Variants in FRMD5 observed in about 807,000 individuals in gnomAD.
The protein encoded by FRMD5 is FERM domain-containing protein 5.
FRMD5 carries 20 observed loss-of-function variants against 69.0 expected under a neutral mutation model. The ratio of observed to expected loss-of-function variants is 0.29; its 90% confidence interval spans 0.20 to 0.42. FRMD5 has a LOEUF of 0.42. Ranked by LOEUF, FRMD5 falls within the 10% of genes least tolerant of loss-of-function variation. The pLI, the probability that FRMD5 is intolerant of heterozygous loss-of-function variation, is 1.00. For missense variants in FRMD5, 595 were observed against 708.6 expected (o/e 0.84, Z 1.82); for synonymous variants, 271 against 260.1 (o/e 1.04, Z -0.40).
chr15:44,023,661 C>T (rs1891309014), intron 1 of FRMD5, among the ~76,000 whole-genome samples: 1 of 152,142 alleles, frequency 6.6e-6, no homozygotes, highest in Admixed American at 6.5e-5. Context: ...ACATTCCCAC[C>T]AGTGATCCTC....
upstream of FRMD5, among the ~76,000 whole-genome samples, chr15:44,197,221 C>A (rs566600746): frequency 6.6e-6 from 1 of 151,276 alleles, no homozygotes; most frequent in African/African-American, 2.4e-5. Context: ...AATTGATGAA[C>A]TGAAGTAAAT....
intron 1 of FRMD5, among the ~76,000 whole-genome samples, chr15:44,092,105 T>G (rs1246346821): frequency 1.3e-5 from 2 of 152,064 alleles, no homozygotes; most frequent in Non-Finnish European, 2.9e-5. Context: ...ACGTGTAGGT[T>G]TCTTTCTTTT....
At chr15:44,169,373 C>A (rs2077762238) in intron 1 of FRMD5, among the ~76,000 whole-genome samples, 1 of 151,780 alleles carries the variant, frequency 6.6e-6, no homozygotes, top group South Asian at 2.1e-4. Flanking sequence ...GAATTAGAAT[C>A]CTTCCATAAA....
At chr15:43,960,979 C>A (rs1472143846) in intron 1 of FRMD5, among the ~76,000 whole-genome samples, 1 of 151,956 alleles carries the variant, frequency 6.6e-6, no homozygotes, top group African/African-American at 2.4e-5. Context: ...ACCCTAACAT[C>A]ACAATTAAAA....
intron 13 of FRMD5, among the ~76,000 whole-genome samples, chr15:43,878,843 C>A (rs2088438009): frequency 6.6e-6 from 1 of 151,886 alleles, no homozygotes; most frequent in South Asian, 2.1e-4. Context: ...TGTCAGAGGA[C>A]CACCTGGAGC....
chr15:44,192,913 C>T (rs2078219637), intron 1 of FRMD5, among the ~76,000 whole-genome samples: 2 of 151,894 alleles, frequency 1.3e-5, no homozygotes, highest in African/African-American at 4.8e-5. Context: ...TTTAGGTGGC[C>T]TAGATATTTT....
At chr15:43,956,054 C>G (rs1410758325) in intron 1 of FRMD5, among the ~76,000 whole-genome samples, 2 of 152,154 alleles carry the variant, frequency 1.3e-5, no homozygotes, top group Non-Finnish European at 2.9e-5. Flanking sequence ...CTCACTATTT[C>G]GACTAATAAT....
At chr15:44,124,956 T>C (rs1228686798) in intron 1 of FRMD5, among the ~76,000 whole-genome samples, 1 of 152,004 alleles carries the variant, frequency 6.6e-6, no homozygotes, top group African/African-American at 2.4e-5. Context: ...AGATCTCATC[T>C]CAAACAACAA....
Position 44,103,941 on chromosome 15 carries a change from C to T in FRMD5, c.102+91012G>A, listed in dbSNP as rs149638879. Among the ~76,000 whole-genome samples, 467 of 152,282 alleles carry T rather than the reference C, an allele frequency of 3.1e-3. 3 individuals carry two copies. The highest frequency in any genetic ancestry group is 0.01 in the African/African-American group (436 of 41,554). On this transcript the variant is annotated intron_variant, in intron 1 of 13. Transcript: ENST00000417257. ...TGGTGTAAACAAACCTACTGCAATG[C>T]CAGTCATATAAAAGCATAGCACATA...
At chr15:44,171,650 G>T (rs2140530599) in intron 1 of FRMD5, among the ~76,000 whole-genome samples, 1 of 152,172 alleles carries the variant, frequency 6.6e-6, no homozygotes, top group South Asian at 2.1e-4. Context: ...AACTCAACTG[G>T]CATTGATACT....
chr15:44,091,312 C>T (rs1451218939), intron 1 of FRMD5, among the ~76,000 whole-genome samples: 1 of 152,124 alleles, frequency 6.6e-6, no homozygotes, highest in Non-Finnish European at 1.5e-5. Context: ...ATATTATTTA[C>T]ATTTTACATA....
intron 1 of FRMD5, among the ~76,000 whole-genome samples, chr15:43,985,546 T>G (rs961743026): frequency 6.6e-6 from 1 of 152,076 alleles, no homozygotes; most frequent in African/African-American, 2.4e-5. Flanking sequence ...TGGAGAACAT[T>G]TAAATATATA....
At chr15:43,956,240 T>C (rs915623774) in intron 1 of FRMD5, among the ~76,000 whole-genome samples, 1 of 152,206 alleles carries the variant, frequency 6.6e-6, no homozygotes, top group Non-Finnish European at 1.5e-5. Flanking sequence ...ACTTCAAATG[T>C]CAAGTAAGTC....
chr15:44,183,320 A>G (rs1239470970), intron 1 of FRMD5, among the ~76,000 whole-genome samples: 1 of 152,168 alleles, frequency 6.6e-6, no homozygotes, highest in African/African-American at 2.4e-5. Context: ...CCTGTAGGCA[A>G]TGGGAAAACC....
chr15:43,937,715 G>A (rs1478359056), intron 1 of FRMD5, among the ~76,000 whole-genome samples: 1 of 151,960 alleles, frequency 6.6e-6, no homozygotes, highest in African/African-American at 2.4e-5. Context: ...GCTGGAGTGA[G>A]CAGAGGGAGA....
chr15:43,989,095 G>A (rs1424615939), intron 1 of FRMD5: 12 of 950,942 alleles, frequency 1.3e-5, no homozygotes, highest in Admixed American at 5.1e-5. Context: ...GGAGGTGCCT[G>A]ACTCATCATA....
chr15:43,894,121 G>A (rs943524214), intron 7 of FRMD5, among the ~76,000 whole-genome samples: 1 of 152,200 alleles, frequency 6.6e-6, no homozygotes, highest in African/African-American at 2.4e-5. Context: ...TCAGTGCCTG[G>A]TGGTGGTTAT....
intron 1 of FRMD5, among the ~76,000 whole-genome samples, chr15:43,944,553 C>T (rs962489509): frequency 1.3e-5 from 2 of 151,916 alleles, no homozygotes; most frequent in Non-Finnish European, 2.9e-5. Context: ...CCTCAGCTTC[C>T]TGAGTAGCTG....
At chr15:44,177,870 G>A (rs1208224485) in intron 1 of FRMD5, among the ~76,000 whole-genome samples, 2 of 152,082 alleles carry the variant, frequency 1.3e-5, no homozygotes, top group Non-Finnish European at 2.9e-5. Flanking sequence ...AAAGAGGAGA[G>A]GACTAATCAC....
Sources: allele counts gnomAD v4.1 joint callset (sites outside exome capture counted in the v4.1 genomes callset), GRCh38; gene constraint gnomAD v4.1.1; transcripts MANE v1.5; gene names NCBI Gene and HGNC (gene_info 2026-07-23, HGNC 2026-07-21).